ARHGAP32: variants seen among roughly 807,000 people sequenced by gnomAD.
The protein encoded by ARHGAP32 is Rho GTPase activating protein 32.
A neutral mutation model predicts 186.5 loss-of-function variants in ARHGAP32; 51 were observed. That is an observed-to-expected ratio of 0.27 (90% CI 0.22 to 0.35). The LOEUF (loss-of-function observed/expected upper bound fraction) is 0.35, where lower values mean the gene tolerates loss of function less well. ARHGAP32 is among the 10% of genes least tolerant of loss of function. The pLI, the probability that ARHGAP32 is intolerant of heterozygous loss-of-function variation, is 1.00. For missense variants in ARHGAP32, 2,186 were observed against 2,623.5 expected (o/e 0.83, Z 3.64); for synonymous variants, 950 against 964.3 (o/e 0.99, Z 0.27).
intron 5 of ARHGAP32, among the ~76,000 whole-genome samples, chr11:129,121,527 T>C (rs967204452): frequency 6.6e-6 from 1 of 152,034 alleles, no homozygotes; most frequent in East Asian, 1.9e-4. Context: ...TGGTGTGGAC[T>C]GGCAAGGTGC....
intron 2 of ARHGAP32, among the ~76,000 whole-genome samples, chr11:129,132,575 C>A (rs1406279576): frequency 6.6e-6 from 1 of 152,004 alleles, no homozygotes; most frequent in African/African-American, 2.4e-5. Flanking sequence ...AAACTTCAAT[C>A]TGAACCCAGC....
chr11:129,156,874 A>G lies in ARHGAP32; in HGVS notation c.225+7445T>C, dbSNP rs566530531. 6.6e-5 allele frequency among the ~76,000 whole-genome samples: 10 copies of G among 152,316 alleles called. No individual in the cohort carries two copies. The South Asian group carries it at 2.1e-3, about 32-fold the overall frequency. ...TGCCCCTCTGGGACGAAGCTTCCAG[A>G]GAAAGGAACACACAGCAAACTTTGC... On this transcript the variant is annotated intron_variant, in intron 2 of 22. Coordinates refer to ENST00000682385, the MANE Select transcript of ARHGAP32 (RefSeq NM_001378024.1).
chr11:129,062,642 G>C (rs1165404382), intron 9 of ARHGAP32, among the ~76,000 whole-genome samples: 1 of 152,094 alleles, frequency 6.6e-6, no homozygotes, highest in East Asian at 1.9e-4. Context: ...TTTAATGCTA[G>C]GCATCACACC....
chr11:129,212,519 C>T (rs1031063), intron 1 of ARHGAP32, among the ~76,000 whole-genome samples: 51,268 of 151,864 alleles, frequency 0.34, 8,941 homozygotes, highest in Non-Finnish European at 0.38. Context: ...TTATTTAAGC[C>T]GTACCAATAT....
chr11:129,223,461 G>T (rs1303434554), intron 1 of ARHGAP32, among the ~76,000 whole-genome samples: 1 of 152,184 alleles, frequency 6.6e-6, no homozygotes, highest in Non-Finnish European at 1.5e-5. Context: ...CAGTGAAATA[G>T]ACTCTAGGGA....
rs565000099 is a variant in ARHGAP32 at position 129,179,741 on chromosome 11, C to T, written c.116+12342G>A. On this transcript the variant is annotated intron_variant, in intron 1 of 22. Coordinates refer to ENST00000682385, the MANE Select transcript of ARHGAP32 (RefSeq NM_001378024.1). ...TTCTCACTCATAGGTGGGAACTGAA[C>T]AATGAGAACACATGGACATAGGAAG... Among the ~76,000 whole-genome samples, 222 of 144,788 alleles carry T rather than the reference C, an allele frequency of 1.5e-3. 3 individuals are homozygous for T. Among genetic ancestry groups the T allele is most frequent in the Middle Eastern group, 7.1e-3 (2 of 282 alleles). The allele number at this position is 144,788 out of a possible 152,430, so 95.0% of individuals were successfully genotyped here.
chr11:129,093,053 T>G (rs572520885), intron 6 of ARHGAP32, among the ~76,000 whole-genome samples: 1 of 152,106 alleles, frequency 6.6e-6, no homozygotes, highest in South Asian at 2.1e-4. Flanking sequence ...GTTCCAATAT[T>G]AAAAGTCAAG....
At chr11:129,168,190 G>C (rs1046866760) in intron 1 of ARHGAP32, among the ~76,000 whole-genome samples, 11 of 152,184 alleles carry the variant, frequency 7.2e-5, no homozygotes, top group African/African-American at 2.7e-4. Flanking sequence ...AGGCTGCAGT[G>C]AGCCATGTTC....
chr11:129,193,532 ATATATATAT>A (rs1944312230), upstream of ARHGAP32, among the ~76,000 whole-genome samples: 1 of 50,836 alleles, frequency 2.0e-5, no homozygotes, highest in Admixed American at 3.4e-4. Flanking sequence ...AGAGCATATA[ATATATATAT>A]TATATATAAT....
At chr11:129,178,716 G>T (rs1227791886) in intron 1 of ARHGAP32, among the ~76,000 whole-genome samples, 1 of 152,114 alleles carries the variant, frequency 6.6e-6, no homozygotes, top group Non-Finnish European at 1.5e-5. Context: ...TTAGTAAATG[G>T]TGCTGGGAAA....
At position 128,969,297 on chromosome 11, in the gene ARHGAP32, G is replaced by C; in HGVS notation, c.5916C>G (p.Ala1972=). Residue 1972 remains alanine, a synonymous_variant, in exon 23 of 23, where the codon GCC becomes GCG. Transcript: ENST00000682385. This position sits in a 1 kb window ranked among gnomAD's most constrained non-coding sequence, Gnocchi z 4.8. ...MERPWVRQPS[A]PEKHSRDCYK... The stretch of plus-strand genomic sequence containing the variant: ...AGCAGTCTCTGGAGTGTTTCTCTGG[G>C]GCAGAAGGCTGCCTAACCCAGGGTC... 1 of 1,614,186 alleles carries C rather than the reference G, an allele frequency of 6.2e-7. No homozygotes were observed. The highest frequency in any genetic ancestry group is 8.5e-7 in the Non-Finnish European group (1 of 1,180,038).
At chr11:129,007,621 CT>C (rs1188058605) in intron 11 of ARHGAP32, among the ~76,000 whole-genome samples, 2 of 152,000 alleles carry the variant, frequency 1.3e-5, no homozygotes, top group Non-Finnish European at 1.5e-5. Context: ...AATTTTCCTT[CT>C]TCTCTTCCCA....
rs471616 is a variant in ARHGAP32, at chr11:129,076,912, A to C, written c.532-10044T>G. On this transcript the variant is annotated intron_variant, in intron 6 of 22. Transcript: ENST00000682385. ...GCAGTTGGCTGCTGCAAACTCCATG[A>C]GACAGCTGAAAAACTGTGAGTGCCC... 6.4e-4 allele frequency among the ~76,000 whole-genome samples: 97 copies of C among 152,250 alleles called. 2 individuals carry two copies. The South Asian group carries it at 0.02, about 31-fold the overall frequency.
Position 128,969,584 on chromosome 11 carries a change from T to C in ARHGAP32, c.5629A>G (p.Arg1877Gly), listed in dbSNP as rs777223814. 1 of 1,614,118 alleles carries C rather than the reference T, an allele frequency of 6.2e-7. No homozygotes were observed. Among genetic ancestry groups the C allele is most frequent in the Non-Finnish European group, 8.5e-7 (1 of 1,180,024 alleles). Residue 1877 changes from arginine to glycine, a missense_variant, in exon 23 of 23, where the codon AGG becomes GGG. Transcript: ENST00000682385. This position sits in a 1 kb window ranked among gnomAD's most constrained non-coding sequence, Gnocchi z 4.8. ...PSLPQKQSSL[R>G]SRKLPDMGCS... ...CCCATGTCAGGAAGCTTCCTGCTCC[T>C]CAGGCTGCTCTGCTTCTGAGGCAGG...
At chr11:129,063,605 C>T (rs897849555) in intron 9 of ARHGAP32, among the ~76,000 whole-genome samples, 11 of 151,956 alleles carry the variant, frequency 7.2e-5, no homozygotes, top group African/African-American at 2.7e-4. Context: ...GCCATGAGCA[C>T]AGTTCAGAAT....
chr11:129,040,671 T>A (rs1180997406), intron 11 of ARHGAP32, among the ~76,000 whole-genome samples: 3 of 152,238 alleles, frequency 2.0e-5, no homozygotes, highest in African/African-American at 7.2e-5. Context: ...AATGCTATTA[T>A]GCAACTATAA....
chr11:129,100,433 G>A (rs1277898974), intron 5 of ARHGAP32, among the ~76,000 whole-genome samples: 1 of 152,144 alleles, frequency 6.6e-6, no homozygotes, highest in African/African-American at 2.4e-5. Flanking sequence ...GAGAGCTGCA[G>A]AGGGGTGGCA....
At chr11:129,129,825 C>CT (rs1217585245) in intron 2 of ARHGAP32, among the ~76,000 whole-genome samples, 19 of 152,188 alleles carry the variant, frequency 1.2e-4, no homozygotes, top group African/African-American at 4.3e-4. Flanking sequence ...TCAATCTTTA[C>CT]TTTTTTCATT....
intron 6 of ARHGAP32, among the ~76,000 whole-genome samples, chr11:129,077,400 G>A (rs150506470): frequency 6.6e-6 from 1 of 152,190 alleles, no homozygotes; most frequent in East Asian, 1.9e-4. Flanking sequence ...TTGTAGCCTG[G>A]GGCAAGATTT....
Sources: allele counts gnomAD v4.1 joint callset (sites outside exome capture counted in the v4.1 genomes callset), GRCh38; gene constraint gnomAD v4.1.1; non-coding constraint Gnocchi (gnomAD v3.1); transcripts MANE v1.5; gene names NCBI Gene and HGNC (gene_info 2026-07-23, HGNC 2026-07-21).